The following TMEM178A variants were observed in gnomAD, a reference collection of about 807,000 sequenced individuals.
TMEM178A encodes the protein transmembrane protein 178.
TMEM178A carries 12 observed loss-of-function variants against 29.1 expected under a neutral mutation model. That is an observed-to-expected ratio of 0.41 (90% CI 0.26 to 0.67). The LOEUF (loss-of-function observed/expected upper bound fraction) is 0.67. Ranked by LOEUF, TMEM178A falls within the 30% of genes least tolerant of loss-of-function variation. The pLI is 0.29. For synonymous variants in TMEM178A, 210 were observed against 187.2 expected (o/e 1.12, Z -0.99); for missense variants, 366 against 419.1 (o/e 0.87, Z 1.11).
At chr2:39,669,965 G>A (rs1375647380) in intron 1 of TMEM178A, among the ~76,000 whole-genome samples, 3 of 152,216 alleles carry the variant, frequency 2.0e-5, no homozygotes, top group African/African-American at 7.2e-5. Context: ...TTGTGTTTGA[G>A]TTGGTCAGTT....
At chr2:39,697,051 C>T (rs1056820914) in intron 1 of TMEM178A, among the ~76,000 whole-genome samples, 1 of 152,166 alleles carries the variant, frequency 6.6e-6, no homozygotes, top group African/African-American at 2.4e-5. Context: ...TCAAAGTTTG[C>T]ATGTATGACT....
chr2:39,726,772 C>T, the TMEM178A span, among the ~76,000 whole-genome samples: 1 of 151,806 alleles, frequency 6.6e-6, no homozygotes, highest in South Asian at 2.1e-4. Flanking sequence ...AGCAGGGTGA[C>T]CAAAAAATGG....
intron 1 of TMEM178A, among the ~76,000 whole-genome samples, chr2:39,676,803 G>C (rs1192634457): frequency 2.0e-5 from 3 of 152,152 alleles, no homozygotes; most frequent in Non-Finnish European, 4.4e-5. Context: ...AGTAGGAGAA[G>C]ACTGAGAAGA....
intron 1 of TMEM178A, among the ~76,000 whole-genome samples, chr2:39,680,292 A>G (rs750541739): frequency 2.6e-5 from 4 of 152,198 alleles, no homozygotes; most frequent in Non-Finnish European, 4.4e-5. Context: ...TCAGGATGGG[A>G]AAAGGTCAGT....
At chr2:39,734,686 A>T in the TMEM178A span, among the ~76,000 whole-genome samples, 12 of 152,358 alleles carry the variant, frequency 7.9e-5, no homozygotes, top group Non-Finnish European at 1.6e-4. Flanking sequence ...TGTCTAGACT[A>T]GTCTAAATTA....
chr2:39,670,931 A>G (rs1426023213), intron 1 of TMEM178A, among the ~76,000 whole-genome samples: 2 of 152,212 alleles, frequency 1.3e-5, no homozygotes, highest in Non-Finnish European at 2.9e-5. Context: ...AATATTACAT[A>G]TTATCTGCAA....
the TMEM178A span, among the ~76,000 whole-genome samples, chr2:39,727,792 C>T: frequency 4.9e-5 from 7 of 142,950 alleles, no homozygotes; most frequent in African/African-American, 1.9e-4. Context: ...GTTCATTTCT[C>T]ATCTCTGAGA....
intron 1 of TMEM178A, among the ~76,000 whole-genome samples, chr2:39,701,733 G>T (rs72934293): frequency 0.028 from 4,321 of 151,994 alleles, 194 homozygotes; most frequent in African/African-American, 0.098. Flanking sequence ...ATCATCCTTT[G>T]TTCTTTATTT....
chr2:39,698,651 G>T (rs2716700), intron 1 of TMEM178A, among the ~76,000 whole-genome samples: 6,192 of 151,136 alleles, frequency 0.041, 421 homozygotes, highest in African/African-American at 0.14. Context: ...TCATATCAGG[G>T]TAATAATGGC....
At chr2:39,722,843 A>T (rs1672729196), downstream of TMEM178A, among the ~76,000 whole-genome samples, 1 of 152,222 alleles carries the variant, frequency 6.6e-6, no homozygotes, top group Non-Finnish European at 1.5e-5. Flanking sequence ...TGACCAGGCC[A>T]CTGCCTTGAG....
At chr2:39,704,050 C>A in intron 1 of TMEM178A, 31 bp from the exon 2 acceptor site, 1 of 1,590,686 alleles carries the variant, frequency 6.3e-7, no homozygotes, top group Non-Finnish European at 8.6e-7. Flanking sequence ...AATAAGCAGA[C>A]TCGTAAATCG....
Position 39,665,962 on chromosome 2 carries a change from G to A in TMEM178A, c.-13G>A. The A allele has an allele frequency of 2.2e-6, 3 of 1,338,106 alleles. No individual in the cohort carries two copies. The highest frequency in any genetic ancestry group is 2.9e-6 in the Non-Finnish European group (3 of 1,047,360). The allele number at this position is 1,338,106 out of a possible 1,614,324, so 82.9% of individuals were successfully genotyped here. A position where few individuals can be genotyped will look rare whatever the true frequency, so the allele number is the denominator to read the frequency against. On this transcript the variant is annotated 5_prime_UTR_variant, in exon 1 of 4. Coordinates refer to ENST00000281961, the MANE Select transcript of TMEM178A (RefSeq NM_152390.3). ...GCGCGAGCCCACCGGCGGCTGCGGC[G>A]GGGCGGGAAGCCATGGAGCCGCGGG...
chr2:39,718,935 A>G (rs754584101), downstream of TMEM178A, among the ~76,000 whole-genome samples: 5 of 152,202 alleles, frequency 3.3e-5, no homozygotes, highest in Non-Finnish European at 5.9e-5. Context: ...TTTCTTCTTT[A>G]TAAAAACTGA....
downstream of TMEM178A, among the ~76,000 whole-genome samples, chr2:39,719,403 A>G (rs1672658141): frequency 1.3e-5 from 2 of 152,322 alleles, no homozygotes; most frequent in South Asian, 4.1e-4. Flanking sequence ...CACACCAGAA[A>G]GATTTGCCTC....
At chr2:39,733,220 A>G in the TMEM178A span, among the ~76,000 whole-genome samples, 1 of 152,210 alleles carries the variant, frequency 6.6e-6, no homozygotes, top group Non-Finnish European at 1.5e-5. Context: ...GCTCCCACTT[A>G]TAATCTGTTC....
chr2:39,724,281 CA>C, the TMEM178A span, among the ~76,000 whole-genome samples: 193 of 137,786 alleles, frequency 1.4e-3, no homozygotes, highest in Middle Eastern at 7.2e-3. Context: ...GTAATTATTT[CA>C]AAAAAAAAAA....
Position 39,687,291 on chromosome 2 carries a change from G to A in TMEM178A, c.401-16790G>A, listed in dbSNP as rs1257777358. ...GTGGGTGGGTACGTTCAGGTAGGAG[G>A]AAGTATAAGGAATTCAGTTTAGAAG... On this transcript the variant is annotated intron_variant, in intron 1 of 3. Coordinates refer to ENST00000281961, the MANE Select transcript of TMEM178A (RefSeq NM_152390.3). 9.0e-5 allele frequency: 15 copies of A among 166,962 alleles called. No homozygotes were observed. The Admixed American group carries it at 9.8e-4, about 11-fold the overall frequency. The allele number at this position is 166,962 out of a possible 1,614,324, so 10.3% of individuals were successfully genotyped here.
rs1670568762 is a variant in TMEM178A, at chr2:39,675,267, G to A, written c.400+8893G>A. 2.6e-5 allele frequency among the ~76,000 whole-genome samples: 4 copies of A among 152,110 alleles called. No homozygotes were observed. In the South Asian group the frequency reaches 8.3e-4, roughly 32 times the overall value. On this transcript the variant is annotated intron_variant, in intron 1 of 3. Coordinates refer to ENST00000281961, the MANE Select transcript of TMEM178A (RefSeq NM_152390.3). ...TGGTGAGCTGAAGGATGAGTGCTCAGTCCCCCAAAGTCATCTCTAGGCACC... is the reference window on the plus strand; with the variant it reads ...TGGTGAGCTGAAGGATGAGTGCTCAATCCCCCAAAGTCATCTCTAGGCACC...
chr2:39,681,795 AC>A (rs144902234), intron 1 of TMEM178A, among the ~76,000 whole-genome samples: 33 of 152,302 alleles, frequency 2.2e-4, no homozygotes, highest in African/African-American at 7.7e-4. Context: ...CTCTCACAAA[AC>A]TCAGAGCAGT....
Sources: allele counts gnomAD v4.1 joint callset (sites outside exome capture counted in the v4.1 genomes callset), GRCh38; gene constraint gnomAD v4.1.1; transcripts MANE v1.5; gene names NCBI Gene and HGNC (gene_info 2026-07-23, HGNC 2026-07-21).